COL21A1: variants seen among roughly 807,000 people sequenced by gnomAD.
COL21A1 encodes the protein collagen alpha-1(XXI) chain.
Under a neutral mutation model 137.9 loss-of-function variants are expected in COL21A1, and 149 were observed. The observed-to-expected ratio is 1.08, with a 90% confidence interval of 0.95 to 1.24. The LOEUF is 1.24. Among genes scored for constraint, COL21A1 ranks in the 50% most tolerant of loss-of-function variants. The pLI, the probability that COL21A1 is intolerant of heterozygous loss-of-function variation, is 0.00. For missense variants in COL21A1, 1,167 were observed against 1,158.4 expected (o/e 1.01, Z -0.11); for synonymous variants, 456 against 391.5 (o/e 1.16, Z -1.95).
chr6:56,344,573 G>C (rs373131602), intron 1 of COL21A1, among the ~76,000 whole-genome samples: 43 of 152,278 alleles, frequency 2.8e-4, no homozygotes, highest in African/African-American at 1.0e-3. Context: ...AGTTGGATGA[G>C]AGTTCAGTTA....
At chr6:56,067,881 T>G in intron 22 of COL21A1, among the ~76,000 whole-genome samples, 1 of 151,644 alleles carries the variant, frequency 6.6e-6, no homozygotes, top group East Asian at 1.9e-4. Flanking sequence ...AATGCCCTTG[T>G]TTTTATAGAT....
chr6:56,202,682 T>C (rs897587269), intron 1 of COL21A1, among the ~76,000 whole-genome samples: 1 of 152,212 alleles, frequency 6.6e-6, no homozygotes, highest in Admixed American at 6.5e-5. Context: ...GTTTTCACAC[T>C]GCAGGGTAGG....
chr6:56,236,775 A>G (rs1410509022), intron 1 of COL21A1, among the ~76,000 whole-genome samples: 1 of 151,982 alleles, frequency 6.6e-6, no homozygotes, highest in Non-Finnish European at 1.5e-5. Context: ...TCAATCTACT[A>G]AGTACCTAAT....
At chr6:56,328,730 T>A (rs1238768324) in intron 1 of COL21A1, among the ~76,000 whole-genome samples, 1 of 152,102 alleles carries the variant, frequency 6.6e-6, no homozygotes, top group Non-Finnish European at 1.5e-5. Flanking sequence ...ACTTTACTAT[T>A]ACAGCATGTT....
chr6:56,099,457 C>T (rs1019901483), intron 17 of COL21A1, among the ~76,000 whole-genome samples: 46 of 151,812 alleles, frequency 3.0e-4, no homozygotes, highest in African/African-American at 1.0e-3. Context: ...AGGATGGTCT[C>T]GATCTCCTGG....
At chr6:56,100,700 G>A (rs1443769537) in intron 17 of COL21A1, among the ~76,000 whole-genome samples, 1 of 152,082 alleles carries the variant, frequency 6.6e-6, no homozygotes, top group African/African-American at 2.4e-5. Context: ...TACACAAGAT[G>A]AAATTCAACG....
chr6:56,157,436 G>C (rs1385697180), intron 9 of COL21A1, among the ~76,000 whole-genome samples: 2 of 150,718 alleles, frequency 1.3e-5, no homozygotes, highest in African/African-American at 2.4e-5. Flanking sequence ...TCAGCCTCTC[G>C]AGTTGCTGGG....
At chr6:56,125,509 C>T in intron 14 of COL21A1, 58 bp downstream of exon 14, 1 of 1,240,658 alleles carries the variant, frequency 8.1e-7, no homozygotes, top group East Asian at 2.4e-5. Context: ...TTCTAGTTTT[C>T]TGTTTCCATT....
intron 1 of COL21A1, among the ~76,000 whole-genome samples, chr6:56,210,398 C>T (rs896427263): frequency 2.0e-5 from 3 of 152,124 alleles, no homozygotes; most frequent in Non-Finnish European, 2.9e-5. Context: ...ACTTTTCCTA[C>T]ATGATGATAT....
In COL21A1 at chr6:56,179,710, C is replaced by T; in HGVS notation, c.508G>A (p.Val170Ile). The T allele has an allele frequency of 6.2e-7, 1 of 1,613,976 alleles. No homozygotes were observed. Among genetic ancestry groups the T allele is most frequent in the African/African-American group, 1.3e-5 (1 of 75,038 alleles). Reference sequence around the variant, plus strand: ...TCGGCATCTTCTGTTTCTGAACCAACACCAATAGCAAATAATGTTATCTTA... The same window carrying T: ...TCGGCATCTTCTGTTTCTGAACCAATACCAATAGCAAATAATGTTATCTTA... Reference protein sequence around the residue: ...DSKITLFAIGVGSETEDAELR... With the variant: ...DSKITLFAIGIGSETEDAELR... Residue 170 changes from valine (V) to isoleucine (I), a missense_variant, in exon 3 of 30, where the codon GTT (valine) becomes ATT (isoleucine). Coordinates refer to ENST00000244728, the MANE Select transcript of COL21A1 (RefSeq NM_030820.4).
chr6:56,099,452 G>A (rs1770239744), intron 17 of COL21A1, among the ~76,000 whole-genome samples: 6 of 151,564 alleles, frequency 4.0e-5, no homozygotes, highest in Admixed American at 3.9e-4. Flanking sequence ...TAGCCAGGAT[G>A]GTCTCGATCT....
At chr6:56,337,779 C>T (rs1038397149) in intron 1 of COL21A1, among the ~76,000 whole-genome samples, 2 of 152,002 alleles carry the variant, frequency 1.3e-5, no homozygotes, top group Non-Finnish European at 1.5e-5. Flanking sequence ...TTTCTTTTAC[C>T]GTATTTTGGA....
intron 1 of COL21A1, among the ~76,000 whole-genome samples, chr6:56,191,985 A>G (rs563496303): frequency 6.6e-6 from 1 of 152,200 alleles, no homozygotes; most frequent in African/African-American, 2.4e-5. Context: ...ACAGCATGGT[A>G]CGGGTACCAA....
intron 9 of COL21A1, among the ~76,000 whole-genome samples, chr6:56,163,285 T>C (rs9464347): frequency 0.012 from 1,777 of 152,302 alleles, 34 homozygotes; most frequent in African/African-American, 0.04. Flanking sequence ...TTACACATTA[T>C]TTTATTTAGG....
intron 1 of COL21A1, among the ~76,000 whole-genome samples, chr6:56,201,896 A>G (rs559826393): frequency 1.3e-5 from 2 of 152,284 alleles, no homozygotes; most frequent in Admixed American, 1.3e-4. Context: ...TTAATGAGAA[A>G]CTAAAGCATT....
intron 1 of COL21A1, among the ~76,000 whole-genome samples, chr6:56,280,244 A>G (rs1437016710): frequency 6.6e-6 from 1 of 152,202 alleles, no homozygotes; most frequent in East Asian, 1.9e-4. Context: ...ATTCTTGCTA[A>G]TATCATTCCT....
chr6:56,245,057 T>C (rs535535131), intron 1 of COL21A1, among the ~76,000 whole-genome samples: 4 of 152,308 alleles, frequency 2.6e-5, no homozygotes, highest in African/African-American at 9.6e-5. Flanking sequence ...TCATTTTGCT[T>C]CCTCTTATAT....
intron 1 of COL21A1, among the ~76,000 whole-genome samples, chr6:56,206,005 A>C (rs902940677): frequency 2.0e-5 from 3 of 152,202 alleles, no homozygotes; most frequent in African/African-American, 4.8e-5. Flanking sequence ...GAGAGGAAAA[A>C]CTGGTAGCAG....
intron 1 of COL21A1, among the ~76,000 whole-genome samples, chr6:56,242,414 C>T (rs139559648): frequency 6.6e-6 from 1 of 152,130 alleles, no homozygotes; most frequent in Non-Finnish European, 1.5e-5. Flanking sequence ...TTAAAAAAAT[C>T]TCTTTTCTTG....
Sources: gnomAD v4.1 joint callset for allele counts (sites outside exome capture counted in the v4.1 genomes callset) on GRCh38, gnomAD v4.1.1 for gene constraint, MANE v1.5 for transcripts, NCBI Gene and HGNC (gene_info 2026-07-23, HGNC 2026-07-21) for gene names.